Variants in DISC1 observed in about 807,000 individuals in gnomAD.
DISC1 encodes the protein DISC1 scaffold protein, also known as disrupted in schizophrenia 1 protein.
A neutral mutation model predicts 84.5 loss-of-function variants in DISC1; 57 were observed. The observed-to-expected ratio is 0.67, with a 90% confidence interval of 0.55 to 0.84. The LOEUF (loss-of-function observed/expected upper bound fraction) is 0.84, where lower values mean the gene tolerates loss of function less well. Among genes scored for constraint, DISC1 ranks in the 40% least tolerant of loss-of-function variants. The pLI is 0.00. For synonymous variants in DISC1, 411 were observed against 415.2 expected, an observed-to-expected ratio of 0.99 and a Z score of 0.12; for missense variants, 1,000 against 1,057.8, an observed-to-expected ratio of 0.95 and a Z score of 0.76.
At chr1:232,011,034 T>G (rs1173418872) in intron 11 of DISC1, among the ~76,000 whole-genome samples, 1 of 152,114 alleles carries the variant, frequency 6.6e-6, no homozygotes, top group Admixed American at 6.5e-5. Context: ...TTTGGGGTAG[T>G]GTATTCTGAA....
At position 231,722,474 on chromosome 1, in the gene DISC1, AG is replaced by A. The variant is rs1175030983; in HGVS notation, c.1117+20451del. 13 of 1,610,458 alleles carry A rather than the reference AG, an allele frequency of 8.1e-6. No individual in the cohort carries two copies. In the Admixed American group the frequency reaches 2.2e-4, roughly 27 times the overall value. On this transcript the variant is annotated intron_variant, in intron 3 of 12. Coordinates refer to ENST00000439617, the MANE Select transcript of DISC1 (RefSeq NM_018662.3). ...ACATCACAGTGCTTCAAATACTGTT[AG>A]TCCCAGTCAAGGATGTTATTCTGTG...
intron 9 of DISC1, among the ~76,000 whole-genome samples, chr1:231,943,431 C>T (rs568956481): frequency 1.3e-5 from 2 of 152,334 alleles, no homozygotes; most frequent in Non-Finnish European, 2.9e-5. Flanking sequence ...GAATAACTTC[C>T]GTGGACTCTG....
At chr1:231,882,918 G>C (rs199620106) in intron 9 of DISC1, among the ~76,000 whole-genome samples, 1 of 151,944 alleles carries the variant, frequency 6.6e-6, no homozygotes, top group Non-Finnish European at 1.5e-5. Flanking sequence ...GCACCTGGTT[G>C]TTGGTATCAG....
At chr1:231,678,920 C>T (rs973461990) in intron 1 of DISC1, among the ~76,000 whole-genome samples, 1 of 151,482 alleles carries the variant, frequency 6.6e-6, no homozygotes, top group African/African-American at 2.5e-5. Context: ...TCGTGATCCA[C>T]CCGCCTCAGC....
At chr1:231,676,343 G>A (rs1446288331) in intron 1 of DISC1, among the ~76,000 whole-genome samples, 1 of 152,196 alleles carries the variant, frequency 6.6e-6, no homozygotes, top group African/African-American at 2.4e-5. Flanking sequence ...AGGATTTAGA[G>A]TCATTTGGCC....
chr1:231,984,873 C>A (rs1664174367), intron 10 of DISC1, among the ~76,000 whole-genome samples: 3 of 152,112 alleles, frequency 2.0e-5, no homozygotes, highest in Admixed American at 1.3e-4. Flanking sequence ...AGGACATGAA[C>A]TGAACGGGGT....
intron 10 of DISC1, among the ~76,000 whole-genome samples, chr1:232,007,616 TA>T (rs746068870): frequency 5.3e-5 from 8 of 152,228 alleles, no homozygotes; most frequent in Admixed American, 6.5e-5. Context: ...CTTTTGATTT[TA>T]CAGGCTCCTA....
At chr1:231,841,171 A>T (rs544254813) in intron 9 of DISC1, among the ~76,000 whole-genome samples, 1 of 152,228 alleles carries the variant, frequency 6.6e-6, no homozygotes, top group South Asian at 2.1e-4. Flanking sequence ...AATTATGCAG[A>T]TCTTCCAAAA....
At chr1:231,681,423 G>A (rs2063680973) in intron 1 of DISC1, among the ~76,000 whole-genome samples, 2 of 152,062 alleles carry the variant, frequency 1.3e-5, no homozygotes, top group Admixed American at 1.3e-4. Flanking sequence ...GTGTGTGTGT[G>A]TGTAAATCAC....
intron 9 of DISC1, among the ~76,000 whole-genome samples, chr1:231,918,180 C>T (rs939869524): frequency 9.2e-5 from 14 of 152,236 alleles, no homozygotes; most frequent in African/African-American, 3.4e-4. Context: ...TCCCTTTTCT[C>T]TCCTGTCCCT....
Position 232,039,344 on chromosome 1 carries a change from T to C in DISC1, c.*2513T>C, listed in dbSNP as rs180865071. 4 of 152,340 alleles carry C rather than the reference T, an allele frequency of 2.6e-5. No homozygotes were observed. Among genetic ancestry groups the C allele is most frequent in the Admixed American group, 1.3e-4 (2 of 15,302 alleles). The allele number at this position is 152,340 out of a possible 1,614,324, so 9.4% of individuals were successfully genotyped here. A position where few individuals can be genotyped will look rare whatever the true frequency, so the allele number is the denominator to read the frequency against. On this transcript the variant is annotated 3_prime_UTR_variant, in exon 13 of 13. Coordinates refer to ENST00000439617, the MANE Select transcript of DISC1 (RefSeq NM_018662.3). ...AGTGTTTTGTATTACTCAGACACCATCATGAAATAATTCTGTGAGGTCATG... is the reference window on the plus strand; with the variant it reads ...AGTGTTTTGTATTACTCAGACACCACCATGAAATAATTCTGTGAGGTCATG...
chr1:231,730,772 G>T (rs2071411930), intron 3 of DISC1, among the ~76,000 whole-genome samples: 1 of 152,056 alleles, frequency 6.6e-6, no homozygotes, highest in South Asian at 2.1e-4. Context: ...TCAGTTTTCA[G>T]TGCACAGAAT....
At chr1:231,664,039 TATCCATCCATCC>T (rs57234946) in intron 1 of DISC1, among the ~76,000 whole-genome samples, 15 of 146,312 alleles carry the variant, frequency 1.0e-4, no homozygotes, top group African/African-American at 1.8e-4. Context: ...TCCATCTATC[TATCCATCCATCC>T]ATCCATCCAT....
intron 9 of DISC1, chr1:231,945,106 A>G (rs1329912859): frequency 6.6e-6 from 1 of 152,210 alleles, no homozygotes; most frequent in Non-Finnish European, 1.5e-5. Flanking sequence ...ATAGACATCT[A>G]CAGAGCTCTC....
intron 11 of DISC1, among the ~76,000 whole-genome samples, chr1:232,018,480 A>G (rs1306874454): frequency 1.3e-5 from 2 of 152,182 alleles, no homozygotes; most frequent in Non-Finnish European, 2.9e-5. Context: ...CTGGGTATAC[A>G]CTTTTATAGA....
chr1:231,863,950 C>A (rs2084865523), intron 9 of DISC1, among the ~76,000 whole-genome samples: 2 of 152,020 alleles, frequency 1.3e-5, no homozygotes, highest in African/African-American at 4.8e-5. Flanking sequence ...GAGAAAAATG[C>A]CCTTTGCTCT....
chr1:231,945,887 C>T (rs958687428), intron 9 of DISC1, among the ~76,000 whole-genome samples: 7 of 152,132 alleles, frequency 4.6e-5, no homozygotes, highest in African/African-American at 9.7e-5. Context: ...TTCTTGGACA[C>T]GTATACCCTC....
intron 9 of DISC1, among the ~76,000 whole-genome samples, chr1:231,937,216 G>A (rs1296043597): frequency 1.5e-4 from 23 of 152,166 alleles, no homozygotes; most frequent in Admixed American, 1.5e-3. Context: ...GATCTTGTTA[G>A]AAGAAATGGT....
chr1:231,702,312 G>A (rs2066523196), intron 3 of DISC1: 1 of 1,127,950 alleles, frequency 8.9e-7, no homozygotes, highest in Non-Finnish European at 1.1e-6. Flanking sequence ...TCTGCCCATG[G>A]TGTGATGTAT....
Sources: allele counts gnomAD v4.1 joint callset (sites outside exome capture counted in the v4.1 genomes callset), GRCh38; gene constraint gnomAD v4.1.1; transcripts MANE v1.5; gene names NCBI Gene and HGNC (gene_info 2026-07-23, HGNC 2026-07-21).